The following RUNDC3B variants were observed in gnomAD, a reference collection of about 807,000 sequenced individuals.
RUNDC3B encodes RUN domain-containing protein 3B.
RUNDC3B carries 33 observed loss-of-function variants against 58.4 expected under a neutral mutation model. That is an observed-to-expected ratio of 0.56 (90% CI 0.43 to 0.75). The LOEUF is 0.75. RUNDC3B is among the 30% of genes least tolerant of loss of function. The probability of loss-of-function intolerance (pLI) is 0.00; values close to 1 mark genes in which losing one functional copy is unlikely to be tolerated. For synonymous variants in RUNDC3B, 193 were observed against 195.2 expected, an observed-to-expected ratio of 0.99 and a Z score of 0.10; for missense variants, 501 against 535.7, an observed-to-expected ratio of 0.94 and a Z score of 0.64.
chr7:87,806,786 A>G (rs1836457692), intron 8 of RUNDC3B, among the ~76,000 whole-genome samples: 1 of 152,270 alleles, frequency 6.6e-6, no homozygotes, highest in African/African-American at 2.4e-5. Context: ...TTTCATGAAG[A>G]TTTATCAGTA....
intron 10 of RUNDC3B, 89 bp from the exon 11 acceptor site, chr7:87,829,796 G>A: frequency 1.0e-6 from 1 of 973,808 alleles, no homozygotes; most frequent in South Asian, 1.7e-5. Context: ...TCACAGTATT[G>A]ATTCTTCCAA....
Position 87,656,280 on chromosome 7 carries a change from G to GA in RUNDC3B, c.238+5349dup, listed in dbSNP as rs1824092522. 2.0e-5 allele frequency among the ~76,000 whole-genome samples: 3 copies of GA among 151,696 alleles called. No homozygotes were observed. In the South Asian group the frequency reaches 6.2e-4, roughly 32 times the overall value. On this transcript the variant is annotated intron_variant, in intron 2 of 10. Transcript: ENST00000394654. ...AAAATTTTTAAATAATTTTTAAAAA[G>GA]AAAAAATTAATACAGTTATAAGTTT...
intron 8 of RUNDC3B, among the ~76,000 whole-genome samples, chr7:87,789,601 A>G (rs1835415424): frequency 6.6e-6 from 1 of 152,240 alleles, no homozygotes; most frequent in Admixed American, 6.5e-5. Flanking sequence ...ATTAAAATTT[A>G]AAATTAAAAT....
At chr7:87,822,351 C>T (rs557298199) in intron 10 of RUNDC3B, among the ~76,000 whole-genome samples, 1 of 152,284 alleles carries the variant, frequency 6.6e-6, no homozygotes, top group South Asian at 2.1e-4. Context: ...CCGTCTCACA[C>T]CAGTTAGAAT....
chr7:87,672,366 C>A (rs1585058987), intron 2 of RUNDC3B, among the ~76,000 whole-genome samples: 2 of 152,152 alleles, frequency 1.3e-5, no homozygotes, highest in Admixed American at 1.3e-4. Context: ...GGTGCCCAAA[C>A]AGCATAGATG....
chr7:87,689,345 A>T (rs1283795585), intron 2 of RUNDC3B, among the ~76,000 whole-genome samples: 1 of 152,100 alleles, frequency 6.6e-6, no homozygotes, highest in East Asian at 1.9e-4. Flanking sequence ...TTAATGAGAC[A>T]TTTCCAGTTT....
intron 1 of RUNDC3B, among the ~76,000 whole-genome samples, chr7:87,649,678 A>G (rs1823378884): frequency 6.6e-6 from 1 of 152,148 alleles, no homozygotes. Context: ...TAAGCTCATA[A>G]AAATTTTGGA....
chr7:87,721,053 A>T (rs913684866), intron 4 of RUNDC3B, among the ~76,000 whole-genome samples: 1 of 151,030 alleles, frequency 6.6e-6, no homozygotes, highest in Non-Finnish European at 1.5e-5. Flanking sequence ...AACAAAGGAG[A>T]TTGACTAAAT....
chr7:87,732,058 A>G (rs921620109), intron 4 of RUNDC3B, among the ~76,000 whole-genome samples: 9 of 152,228 alleles, frequency 5.9e-5, no homozygotes, highest in African/African-American at 2.2e-4. Flanking sequence ...ACTATATTAA[A>G]TAACTTTTCT....
intron 4 of RUNDC3B, among the ~76,000 whole-genome samples, chr7:87,724,885 G>C (rs1013072190): frequency 2.0e-5 from 3 of 151,718 alleles, no homozygotes; most frequent in Admixed American, 2.0e-4. Flanking sequence ...ATATTTTTGT[G>C]ATAATTTACT....
intron 8 of RUNDC3B, among the ~76,000 whole-genome samples, chr7:87,801,235 G>A (rs1302991478): frequency 6.6e-6 from 1 of 152,138 alleles, no homozygotes; most frequent in African/African-American, 2.4e-5. Context: ...TTTGAGCAGG[G>A]TTTTTCAGGA....
chr7:87,816,691 T>C (rs1280419423), intron 10 of RUNDC3B, among the ~76,000 whole-genome samples: 1 of 152,190 alleles, frequency 6.6e-6, no homozygotes, highest in Non-Finnish European at 1.5e-5. Context: ...TTGAGTATTT[T>C]AAAAATCTTC....
intron 8 of RUNDC3B, among the ~76,000 whole-genome samples, chr7:87,792,861 ATGAAAT>A (rs1835599899): frequency 6.6e-6 from 1 of 152,080 alleles, no homozygotes; most frequent in African/African-American, 2.4e-5. Flanking sequence ...TGCAGAATAA[ATGAAAT>A]TGAAATGAAA....
chr7:87,825,631 A>G (rs976691512), intron 10 of RUNDC3B, among the ~76,000 whole-genome samples: 3 of 152,182 alleles, frequency 2.0e-5, no homozygotes, highest in Non-Finnish European at 4.4e-5. Context: ...ATCCACTGAC[A>G]TCTTGCATCA....
Position 87,650,866 on chromosome 7 carries a change from T to C in RUNDC3B, c.167T>C (p.Ile56Thr), listed in dbSNP as rs150966930. The change falls in exon 2 of 11, where the codon ATT (isoleucine) becomes ACT (threonine). Residue 56 changes from isoleucine (I) to threonine (T), a missense_variant. Physicochemically the swap from Ile to Thr is moderately conservative, Grantham distance 89. Coordinates refer to ENST00000394654, the MANE Select transcript of RUNDC3B (RefSeq NM_001134405.2). ...ATTGATCGGTCTTGCTTTGAGACAA[T>C]TGATGATTCTTCTCCTGAATTTAAC... ...TLIDRSCFETIDDSSPEFNNF... is the reference protein window; with the variant it reads ...TLIDRSCFETTDDSSPEFNNF... The C allele has an allele frequency of 1.1e-5, 17 of 1,613,074 alleles. No homozygotes were observed. The highest frequency in any genetic ancestry group is 4.0e-5 in the African/African-American group (3 of 75,012).
At chr7:87,799,568 T>C (rs911770158) in intron 8 of RUNDC3B, among the ~76,000 whole-genome samples, 6 of 152,144 alleles carry the variant, frequency 3.9e-5, no homozygotes, top group African/African-American at 1.4e-4. Flanking sequence ...ATTTAAGTAC[T>C]CACAACCAAT....
intron 8 of RUNDC3B, among the ~76,000 whole-genome samples, chr7:87,799,758 G>T (rs1413012273): frequency 6.6e-6 from 1 of 151,994 alleles, no homozygotes; most frequent in Non-Finnish European, 1.5e-5. Context: ...ATGGTGGCGT[G>T]TGCCTGTAGT....
intron 10 of RUNDC3B, among the ~76,000 whole-genome samples, chr7:87,823,420 T>A (rs865824268): frequency 1.4e-4 from 22 of 152,050 alleles, no homozygotes; most frequent in Middle Eastern, 3.4e-3. Context: ...TTATTTTTTT[T>A]AATTTTTTTA....
In RUNDC3B at chr7:87,777,965, A is replaced by G. The variant is rs755770065; in HGVS notation, c.956+10A>G. ...AGCTTCAAGATCAGCTGTAAGTACA[A>G]GCCTTTTAGAAAAATGTTGGTAGCA... On this transcript the variant is annotated intron_variant, in intron 8 of 10. Transcript: ENST00000394654. 8 of 1,599,528 alleles carry G rather than the reference A, an allele frequency of 5.0e-6. No homozygotes were observed. Among genetic ancestry groups the G allele is most frequent in the Admixed American group, 3.5e-5 (2 of 57,140 alleles).
Sources: gnomAD v4.1 joint callset for allele counts (sites outside exome capture counted in the v4.1 genomes callset) on GRCh38, gnomAD v4.1.1 for gene constraint, MANE v1.5 for transcripts, NCBI Gene and HGNC (gene_info 2026-07-23, HGNC 2026-07-21) for gene names.